The following PHF24 variants were observed in gnomAD, a reference collection of about 807,000 sequenced individuals.
The protein encoded by PHF24 is PHD finger protein 24, also known as Galpha inhibitory interacting protein.
Under a neutral mutation model 42.6 loss-of-function variants are expected in PHF24, and 25 were observed. That is an observed-to-expected ratio of 0.59 (90% CI 0.43 to 0.82). PHF24 has a LOEUF of 0.82. Ranked by LOEUF, PHF24 falls within the 40% of genes least tolerant of loss-of-function variation. PHF24 has a pLI of 0.00. For missense variants in PHF24, 470 were observed against 538.1 expected, an observed-to-expected ratio of 0.87 and a Z score of 1.25; for synonymous variants, 185 against 204.8, an observed-to-expected ratio of 0.90 and a Z score of 0.83.
the PHF24 span, among the ~76,000 whole-genome samples, chr9:34,736,161 A>G: frequency 0.79 from 120,475 of 151,866 alleles, 48,524 homozygotes; most frequent in East Asian, 0.95. Flanking sequence ...TGAAAAAAGC[A>G]AAACAATACC....
At chr9:34,967,637 G>A (rs1362036514) in intron 1 of PHF24, among the ~76,000 whole-genome samples, 1 of 152,144 alleles carries the variant, frequency 6.6e-6, no homozygotes, top group Admixed American at 6.5e-5. Flanking sequence ...TGTAAGTTGG[G>A]GAGTTGCATC....
At chr9:34,943,808 T>C in the PHF24 span, among the ~76,000 whole-genome samples, 1 of 152,218 alleles carries the variant, frequency 6.6e-6, no homozygotes, top group Non-Finnish European at 1.5e-5. Context: ...TTATAGCCTC[T>C]ATTACATTGA....
At chr9:34,766,666 T>C in the PHF24 span, among the ~76,000 whole-genome samples, 2 of 152,134 alleles carry the variant, frequency 1.3e-5, no homozygotes, top group South Asian at 4.1e-4. Context: ...TAGCTCGGAG[T>C]AGTTTGAGCG....
At chr9:34,759,599 T>A in the PHF24 span, among the ~76,000 whole-genome samples, 3 of 152,230 alleles carry the variant, frequency 2.0e-5, no homozygotes, top group African/African-American at 7.2e-5. Context: ...ATATTACCTA[T>A]CCAAACAGCT....
At chr9:34,916,546 C>T in the PHF24 span, among the ~76,000 whole-genome samples, 1 of 152,178 alleles carries the variant, frequency 6.6e-6, no homozygotes, top group Admixed American at 6.5e-5. Flanking sequence ...GGAAGTGATG[C>T]CAGCAAAAAC....
At chr9:34,955,449 G>GGGAGATCACCTGAGATCA (rs1252812421), upstream of PHF24, among the ~76,000 whole-genome samples, 1 of 152,172 alleles carries the variant, frequency 6.6e-6, no homozygotes. Context: ...AGTCGAGGCA[G>GGGAGATCACCTGAGATCA]GGAGATCACC....
chr9:34,930,457 C>T, the PHF24 span, among the ~76,000 whole-genome samples: 1 of 152,268 alleles, frequency 6.6e-6, no homozygotes, highest in East Asian at 1.9e-4. Context: ...GCCTGGTGTC[C>T]TAAATAAAGA....
At chr9:34,802,517 G>A in the PHF24 span, among the ~76,000 whole-genome samples, 2 of 152,254 alleles carry the variant, frequency 1.3e-5, no homozygotes, top group East Asian at 3.9e-4. Flanking sequence ...AATACTCTGT[G>A]ATTGTCAGTG....
At chr9:34,797,510 C>T in the PHF24 span, among the ~76,000 whole-genome samples, 1 of 152,268 alleles carries the variant, frequency 6.6e-6, no homozygotes, top group Admixed American at 6.5e-5. Context: ...CGGAGTCGGG[C>T]AGCTCAGTGG....
At chr9:34,862,438 A>C in the PHF24 span, among the ~76,000 whole-genome samples, 1 of 151,958 alleles carries the variant, frequency 6.6e-6, no homozygotes. Context: ...TTTGTCTTGC[A>C]GTTTGGTGTC....
the PHF24 span, among the ~76,000 whole-genome samples, chr9:34,866,225 G>A: frequency 3.9e-5 from 6 of 152,106 alleles, no homozygotes; most frequent in Non-Finnish European, 8.8e-5. Context: ...TAATTCTTAG[G>A]TGAAAGCAGA....
the PHF24 span, chr9:34,724,746 C>A: frequency 6.4e-7 from 1 of 1,551,664 alleles, no homozygotes; most frequent in East Asian, 2.4e-5. Context: ...CACTGTTCTT[C>A]AAATGAAACC....
At chr9:34,796,864 C>G in the PHF24 span, among the ~76,000 whole-genome samples, 1 of 152,184 alleles carries the variant, frequency 6.6e-6, no homozygotes, top group Admixed American at 6.5e-5. Flanking sequence ...ACTTGTTATA[C>G]GCCAATGCTC....
At chr9:34,694,205 T>C in the PHF24 span, among the ~76,000 whole-genome samples, 2 of 145,386 alleles carry the variant, frequency 1.4e-5, no homozygotes, top group African/African-American at 5.1e-5. Flanking sequence ...AGTCTCAATA[T>C]GTCACCCAGG....
chr9:34,668,709 A>T, the PHF24 span, among the ~76,000 whole-genome samples: 1 of 152,204 alleles, frequency 6.6e-6, no homozygotes, highest in Non-Finnish European at 1.5e-5. Flanking sequence ...CTCCCTCACA[A>T]TTTGTCCACA....
the PHF24 span, among the ~76,000 whole-genome samples, chr9:34,888,875 C>T: frequency 6.6e-6 from 1 of 152,192 alleles, no homozygotes. Context: ...AAACAAGGGC[C>T]TTTCTTCTCT....
At chr9:34,719,386 C>T in the PHF24 span, among the ~76,000 whole-genome samples, 1 of 152,284 alleles carries the variant, frequency 6.6e-6, no homozygotes, top group South Asian at 2.1e-4. Context: ...AATTTTGCTT[C>T]TTGCCTCTCT....
chr9:34,702,652 T>C, the PHF24 span, among the ~76,000 whole-genome samples: 3 of 152,136 alleles, frequency 2.0e-5, no homozygotes, highest in African/African-American at 7.2e-5. Context: ...ACTAGAAGAA[T>C]TACAAATATA....
the PHF24 span, among the ~76,000 whole-genome samples, chr9:34,672,367 A>G: frequency 1.3e-5 from 2 of 152,242 alleles, no homozygotes; most frequent in African/African-American, 4.8e-5. Flanking sequence ...ATCAATCAAT[A>G]TAAAAATTTA....
Sources: gnomAD v4.1 joint callset for allele counts (sites outside exome capture counted in the v4.1 genomes callset) on GRCh38, gnomAD v4.1.1 for gene constraint, MANE v1.5 for transcripts, NCBI Gene and HGNC (gene_info 2026-07-23, HGNC 2026-07-21) for gene names.